XPO4: variants seen among roughly 807,000 people sequenced by gnomAD.
The protein encoded by XPO4 is exportin 4.
XPO4 carries 39 observed loss-of-function variants against 143.0 expected under a neutral mutation model. That is an observed-to-expected ratio of 0.27 (90% CI 0.21 to 0.36). XPO4 has a LOEUF of 0.36. XPO4 is among the 10% of genes least tolerant of loss of function. XPO4 has a pLI of 1.00. For synonymous variants in XPO4, 439 were observed against 474.0 expected, an observed-to-expected ratio of 0.93 and a Z score of 0.96; for missense variants, 907 against 1,348.0, an observed-to-expected ratio of 0.67 and a Z score of 5.12.
At chr13:20,892,819 G>A (rs2060530990) in intron 1 of XPO4, among the ~76,000 whole-genome samples, 1 of 151,848 alleles carries the variant, frequency 6.6e-6, no homozygotes, top group South Asian at 2.1e-4. Context: ...AGGAGTTTGA[G>A]GCTGCAGTGA....
chr13:20,854,109 A>C (rs372609576), intron 4 of XPO4, among the ~76,000 whole-genome samples: 2 of 152,358 alleles, frequency 1.3e-5, no homozygotes. Context: ...CAATAAAGTT[A>C]AGGAAAAAAA....
intron 3 of XPO4, among the ~76,000 whole-genome samples, chr13:20,860,686 G>C (rs966867302): frequency 5.3e-5 from 8 of 152,088 alleles, no homozygotes; most frequent in African/African-American, 1.9e-4. Flanking sequence ...CAACAAAAGA[G>C]CAAACTAGTA....
intron 6 of XPO4, among the ~76,000 whole-genome samples, chr13:20,833,091 C>G (rs899057514): frequency 1.3e-5 from 2 of 152,262 alleles, no homozygotes; most frequent in South Asian, 4.1e-4. Context: ...TGCCAAAACC[C>G]TTAAGCATTT....
chr13:20,858,122 C>G (rs1423346207), intron 3 of XPO4, among the ~76,000 whole-genome samples: 1 of 151,614 alleles, frequency 6.6e-6, no homozygotes, highest in East Asian at 1.9e-4. Context: ...TTAAAAGAGA[C>G]ATGACTAAAT....
At chr13:20,826,111 A>G (rs1286801150) in intron 7 of XPO4, among the ~76,000 whole-genome samples, 1 of 152,218 alleles carries the variant, frequency 6.6e-6, no homozygotes, top group Non-Finnish European at 1.5e-5. Flanking sequence ...ATTAACTTGT[A>G]TATTCCCCCT....
chr13:20,794,448 C>A lies in XPO4; in HGVS notation c.2797+1628G>T, dbSNP rs367725132. 3.3e-5 allele frequency among the ~76,000 whole-genome samples: 5 copies of A among 152,176 alleles called. No homozygotes were observed. The East Asian group carries it at 5.8e-4, about 18-fold the overall frequency. ...ATCTAAACATATACATGTTTTAGCTCTGGGTCCTAACATTTAGTTACAGAT... is the reference window on the plus strand; with the variant it reads ...ATCTAAACATATACATGTTTTAGCTATGGGTCCTAACATTTAGTTACAGAT... On this transcript the variant is annotated intron_variant, in intron 18 of 22. Transcript: ENST00000255305.
intron 1 of XPO4, among the ~76,000 whole-genome samples, chr13:20,889,948 ATCT>A (rs1418203615): frequency 1.3e-5 from 2 of 152,238 alleles, no homozygotes; most frequent in African/African-American, 4.8e-5. Flanking sequence ...AAGAATATTC[ATCT>A]TCTCTTCACC....
intron 6 of XPO4, among the ~76,000 whole-genome samples, chr13:20,835,157 C>T (rs1348911993): frequency 6.6e-6 from 1 of 152,042 alleles, no homozygotes; most frequent in East Asian, 1.9e-4. Context: ...GTGTTAGCCA[C>T]CATGTGCTGC....
rs1377849580 is a variant in XPO4 at position 20,803,302 on chromosome 13, C to T, written c.1818-2312G>A. On this transcript the variant is annotated intron_variant, in intron 13 of 22. Coordinates refer to ENST00000255305, the MANE Select transcript of XPO4 (RefSeq NM_022459.5). This position sits in a 1 kb window ranked among gnomAD's most constrained non-coding sequence, Gnocchi z 4.1. Reference sequence around the variant, plus strand: ...TGACTCAGTCACTTAGTCAGTGCCACACTGTTTGCAACTGTCCCTCTCCTC... The same window carrying T: ...TGACTCAGTCACTTAGTCAGTGCCATACTGTTTGCAACTGTCCCTCTCCTC... Among the ~76,000 whole-genome samples the T allele has an allele frequency of 6.6e-6, 1 of 152,226 alleles. No homozygotes were observed. The highest frequency in any genetic ancestry group is 2.1e-4 in the South Asian group (1 of 4,832).
At chr13:20,831,407 AAG>A (rs1055700395) in intron 6 of XPO4, among the ~76,000 whole-genome samples, 3 of 152,150 alleles carry the variant, frequency 2.0e-5, no homozygotes, top group African/African-American at 7.2e-5. Context: ...GTCACCACGA[AAG>A]AACAGTTTGA....
At chr13:20,813,772 A>G (rs1194472126) in intron 9 of XPO4, among the ~76,000 whole-genome samples, 1 of 152,146 alleles carries the variant, frequency 6.6e-6, no homozygotes, top group African/African-American at 2.4e-5. Context: ...AGCCTGGCCA[A>G]CATGGCGAAA....
chr13:20,800,067 T>C (rs893143879), intron 15 of XPO4, 89 bp downstream of exon 15: 36 of 1,443,660 alleles, frequency 2.5e-5, no homozygotes, highest in Non-Finnish European at 5.6e-6. Flanking sequence ...TGTAACCATT[T>C]GCCAGTTCAA....
At chr13:20,837,819 T>A (rs964788370) in intron 6 of XPO4, among the ~76,000 whole-genome samples, 6 of 152,198 alleles carry the variant, frequency 3.9e-5, no homozygotes, top group Non-Finnish European at 7.3e-5. Flanking sequence ...TCAGATCTTG[T>A]GAGACTTATT....
At chr13:20,787,196 TA>T (rs150693596) in intron 21 of XPO4, 139 bp from the exon 22 acceptor site, 64 of 786,944 alleles carry the variant, frequency 8.1e-5, no homozygotes, top group South Asian at 9.8e-5. Context: ...CTTAATGTTT[TA>T]AAAAAAATAC....
At chr13:20,874,901 G>A (rs1396363194) in intron 1 of XPO4, among the ~76,000 whole-genome samples, 1 of 152,160 alleles carries the variant, frequency 6.6e-6, no homozygotes, top group Non-Finnish European at 1.5e-5. Context: ...GCTGAGGCAG[G>A]AGAATTGCTT....
intron 10 of XPO4, among the ~76,000 whole-genome samples, chr13:20,809,562 A>G (rs925779852): frequency 3.9e-5 from 6 of 152,200 alleles, no homozygotes; most frequent in African/African-American, 1.2e-4. Flanking sequence ...CAAATTATTC[A>G]TATCTCTTGA....
rs368711296 is a variant in XPO4, at chr13:20,801,699, T to C, written c.1818-709A>G. 2.0e-5 allele frequency among the ~76,000 whole-genome samples: 3 copies of C among 152,200 alleles called. No homozygotes were observed. The East Asian group carries it at 5.8e-4, about 29-fold the overall frequency. ...AAGTGATATATATTTAACCTGACTT[T>C]AGCCAAAAGGCAAGGAAGCAAAGGA... On this transcript the variant is annotated intron_variant, in intron 13 of 22. Transcript: ENST00000255305.
At chr13:20,845,023 A>G (rs2060017001) in intron 4 of XPO4, among the ~76,000 whole-genome samples, 1 of 152,192 alleles carries the variant, frequency 6.6e-6, no homozygotes. Flanking sequence ...ATACAAAAAA[A>G]TCAGCTAGGC....
Position 20,855,021 on chromosome 13 carries a change from G to A in XPO4, c.456+606C>T, listed in dbSNP as rs147129936. Among the ~76,000 whole-genome samples, 12 of 152,032 alleles carry A rather than the reference G, an allele frequency of 7.9e-5. No homozygotes were observed. In the East Asian group the frequency reaches 1.2e-3, roughly 15 times the overall value. On this transcript the variant is annotated intron_variant, in intron 4 of 22. Transcript: ENST00000255305. ...TGGCAAAACAAAGTTCAATAGAAAC[G>A]GCTAACAATATTATGGCATATTAAC...
Sources: gnomAD v4.1 joint callset for allele counts (sites outside exome capture counted in the v4.1 genomes callset) on GRCh38, gnomAD v4.1.1 for gene constraint, Gnocchi (gnomAD v3.1) non-coding constraint, MANE v1.5 for transcripts, NCBI Gene and HGNC (gene_info 2026-07-23, HGNC 2026-07-21) for gene names.